TMEM9: variants seen among roughly 807,000 people sequenced by gnomAD.
The protein encoded by TMEM9 is proton-transporting V-type ATPase complex assembly regulator TMEM9.
In TMEM9, 13 loss-of-function variants were observed where a neutral mutation model predicts 22.8. That is an observed-to-expected ratio of 0.57 (90% confidence interval 0.37 to 0.91). The LOEUF is 0.91. Among genes scored for constraint, TMEM9 ranks in the 40% least tolerant of loss-of-function variants. The pLI, the probability that TMEM9 is intolerant of heterozygous loss-of-function variation, is 0.01. For synonymous variants in TMEM9, 88 were observed against 93.0 expected (o/e 0.95, Z 0.31); for missense variants, 182 against 238.1 (o/e 0.76, Z 1.55).
chr1:201,140,646 T>C (rs1239462944), intron 4 of TMEM9, among the ~76,000 whole-genome samples: 3 of 151,970 alleles, frequency 2.0e-5, no homozygotes, highest in Non-Finnish European at 4.4e-5. Context: ...TCCCTAACCC[T>C]GAAAAAATGC....
chr1:201,148,532 G>A (rs555394462), intron 2 of TMEM9, among the ~76,000 whole-genome samples: 1 of 152,318 alleles, frequency 6.6e-6, no homozygotes, highest in Admixed American at 6.5e-5. Context: ...TCTATACCCT[G>A]GGCCCGTTCT....
chr1:201,169,512 G>T (rs553358005), intron 1 of TMEM9, among the ~76,000 whole-genome samples: 1 of 152,170 alleles, frequency 6.6e-6, no homozygotes, highest in African/African-American at 2.4e-5. Context: ...ACAGTGGCCA[G>T]TATGGTGTAT....
upstream of TMEM9, among the ~76,000 whole-genome samples, chr1:201,158,973 C>T (rs1198707886): frequency 6.6e-6 from 1 of 152,060 alleles, no homozygotes. Context: ...GGTGTCTACT[C>T]TCCCTGGCAT....
chr1:201,140,045 G>A (rs1664384313), intron 4 of TMEM9, among the ~76,000 whole-genome samples: 1 of 152,222 alleles, frequency 6.6e-6, no homozygotes, highest in Non-Finnish European at 1.5e-5. Context: ...TCCCAGGGCT[G>A]GGGTCCTCAG....
At chr1:201,158,237 G>C (rs1665852822), upstream of TMEM9, among the ~76,000 whole-genome samples, 5 of 152,324 alleles carry the variant, frequency 3.3e-5, no homozygotes, top group South Asian at 1.0e-3. Context: ...TAGACACCCT[G>C]ATTTTAGTTC....
At position 201,146,859 on chromosome 1, in the gene TMEM9, G is replaced by C. The variant is rs7516450; in HGVS notation, c.159-11C>G. ...ACGTGCAGGCAGTTGCTACAACAGA[G>C]AGAGACAGGGCTGTCGAGGCAGGGC... On this transcript the variant is annotated splice_polypyrimidine_tract_variant and intron_variant, in intron 2 of 4. Transcript: ENST00000367330. 2.4e-3 allele frequency: 3,946 copies of C among 1,613,420 alleles called. 78 individuals are homozygous for C. The African/African-American group carries it at 0.044, about 18-fold the overall frequency.
At chr1:201,159,481 TTA>T (rs1178729000), upstream of TMEM9, among the ~76,000 whole-genome samples, 5 of 90,630 alleles carry the variant, frequency 5.5e-5, no homozygotes, top group Admixed American at 2.5e-4. Context: ...ATTTGCCTTT[TTA>T]TACACACACA....
chr1:201,137,113 T>C (rs1664067194), intron 4 of TMEM9, among the ~76,000 whole-genome samples: 1 of 152,242 alleles, frequency 6.6e-6, no homozygotes. Flanking sequence ...CCCGCCCAGG[T>C]CCTGAGGAAG....
chr1:201,158,347 C>T (rs1213194796), upstream of TMEM9, among the ~76,000 whole-genome samples: 2 of 143,534 alleles, frequency 1.4e-5, no homozygotes, highest in African/African-American at 2.6e-5. Flanking sequence ...TGACAGCAGC[C>T]ATGGGAAACA....
intron 1 of TMEM9, among the ~76,000 whole-genome samples, chr1:201,165,179 T>TATATATATATATATATATATATA (rs1666042592): frequency 2.8e-5 from 4 of 141,334 alleles, no homozygotes; most frequent in Admixed American, 7.2e-5. Context: ...TATATATATA[T>TATATATATATATATATATATATA]TCATTATCAT....
At chr1:201,142,484 C>G (rs999591929) in intron 4 of TMEM9, among the ~76,000 whole-genome samples, 2 of 152,252 alleles carry the variant, frequency 1.3e-5, no homozygotes, top group African/African-American at 4.8e-5. Flanking sequence ...TGTTAAATCT[C>G]TCTGTCCCTG....
At chr1:201,151,673 T>A in intron 2 of TMEM9, 88 bp downstream of exon 2, 2 of 951,980 alleles carry the variant, frequency 2.1e-6, no homozygotes, top group Non-Finnish European at 3.4e-6. Context: ...TGGGAGAGCA[T>A]GCTTATCCTC....
chr1:201,137,989 G>A (rs1368640933), intron 4 of TMEM9, among the ~76,000 whole-genome samples: 1 of 152,184 alleles, frequency 6.6e-6, no homozygotes, highest in Non-Finnish European at 1.5e-5. Context: ...ACATGAGGTG[G>A]GCACTAAAGA....
intron 4 of TMEM9, among the ~76,000 whole-genome samples, chr1:201,138,218 G>A (rs894777688): frequency 1.3e-5 from 2 of 152,158 alleles, no homozygotes; most frequent in Admixed American, 6.5e-5. Context: ...GTCTTGAGAA[G>A]GGGAAGCCAG....
chr1:201,169,163 G>A (rs960399763), intron 1 of TMEM9, among the ~76,000 whole-genome samples: 2 of 151,986 alleles, frequency 1.3e-5, no homozygotes, highest in African/African-American at 2.4e-5. Flanking sequence ...GGTTGGGGAG[G>A]AGGGTACAGG....
intron 1 of TMEM9, among the ~76,000 whole-genome samples, chr1:201,170,896 T>G (rs1205956608): frequency 6.6e-6 from 1 of 152,072 alleles, no homozygotes; most frequent in Non-Finnish European, 1.5e-5. Context: ...CCACTCCGGG[T>G]CCAGGCCGCC....
Position 201,135,613 on chromosome 1 carries a change from G to A in TMEM9, c.*50C>T. ...GTAGCCCCCTGCTTTGTCCAGCCTGGAAGCTGGCAGCCATGGTGTTGGGGC... is the reference window on the plus strand; with the variant it reads ...GTAGCCCCCTGCTTTGTCCAGCCTGAAAGCTGGCAGCCATGGTGTTGGGGC... On this transcript the variant is annotated 3_prime_UTR_variant, in exon 5 of 5. Transcript: ENST00000367330. The A allele has an allele frequency of 1.3e-6, 2 of 1,525,812 alleles. No homozygotes were observed. Among genetic ancestry groups the A allele is most frequent in the Non-Finnish European group, 1.8e-6 (2 of 1,132,230 alleles). The allele number at this position is 1,525,812 out of a possible 1,614,324, so 94.5% of individuals were successfully genotyped here.
chr1:201,137,009 G>T (rs1165208504), intron 4 of TMEM9, among the ~76,000 whole-genome samples: 1 of 152,274 alleles, frequency 6.6e-6, no homozygotes, highest in Non-Finnish European at 1.5e-5. Flanking sequence ...CTGGGAGAGG[G>T]TTCATCATCA....
intron 1 of TMEM9, among the ~76,000 whole-genome samples, chr1:201,166,361 T>C (rs1369528056): frequency 1.5e-5 from 1 of 68,918 alleles, no homozygotes; most frequent in African/African-American, 6.2e-5. Flanking sequence ...AAAAAGACTA[T>C]GATTCTTTTT....
Sources: allele counts gnomAD v4.1 joint callset (sites outside exome capture counted in the v4.1 genomes callset), GRCh38; gene constraint gnomAD v4.1.1; transcripts MANE v1.5; gene names NCBI Gene and HGNC (gene_info 2026-07-23, HGNC 2026-07-21).